Variants in NT5C2 observed in about 807,000 individuals in gnomAD.
NT5C2 encodes 5'-nucleotidase, cytosolic II.
Under a neutral mutation model 76.1 loss-of-function variants are expected in NT5C2, and 58 were observed. That is an observed-to-expected ratio of 0.76 (90% confidence interval 0.62 to 0.95). The LOEUF (loss-of-function observed/expected upper bound fraction) is 0.95. Ranked by LOEUF, NT5C2 falls within the 40% of genes least tolerant of loss-of-function variation. The pLI is 0.00. For missense variants in NT5C2, 478 were observed against 690.3 expected (o/e 0.69, Z 3.45); for synonymous variants, 229 against 237.4 (o/e 0.96, Z 0.32).
At chr10:103,188,336 C>T (rs747764346) in intron 1 of NT5C2, among the ~76,000 whole-genome samples, 1 of 151,468 alleles carries the variant, frequency 6.6e-6, no homozygotes, top group South Asian at 2.1e-4. Flanking sequence ...CCAGCCCAGG[C>T]GACAGTGCAA....
intron 4 of NT5C2, among the ~76,000 whole-genome samples, chr10:103,127,286 C>T (rs1208273552): frequency 6.6e-6 from 1 of 152,118 alleles, no homozygotes; most frequent in African/African-American, 2.4e-5. Flanking sequence ...TCAAGACAAC[C>T]AGGCAAAATT....
At chr10:103,115,203 C>G (rs1450488088) in intron 4 of NT5C2, among the ~76,000 whole-genome samples, 1 of 152,226 alleles carries the variant, frequency 6.6e-6, no homozygotes, top group Non-Finnish European at 1.5e-5. Flanking sequence ...GAGTTCCAGA[C>G]CTGCCTGGGC....
chr10:103,175,129 A>G (rs771275383), intron 2 of NT5C2, 147 bp from the exon 3 acceptor site: 1 of 508,100 alleles, frequency 2.0e-6, no homozygotes. Context: ...AAATATGCTG[A>G]AAATTATACT....
rs574549754 is a variant in NT5C2 at position 103,191,017 on chromosome 10, T to A, written c.-169+2219A>T. Among the ~76,000 whole-genome samples, 5 of 152,374 alleles carry A rather than the reference T, an allele frequency of 3.3e-5. 1 individual carries two copies. The highest frequency in any genetic ancestry group is 1.2e-4 in the African/African-American group (5 of 41,596). On this transcript the variant is annotated intron_variant, in intron 1 of 18. Coordinates refer to ENST00000404739, the MANE Select transcript of NT5C2 (RefSeq NM_001351169.2). ...TAAGTACTTTAAAAGAGCACAGTCATAACATGACAAAGTTGTGGGTTTTTG... is the reference window on the plus strand; with the variant it reads ...TAAGTACTTTAAAAGAGCACAGTCAAAACATGACAAAGTTGTGGGTTTTTG...
At chr10:103,192,875 G>A (rs12774207) in intron 1 of NT5C2, among the ~76,000 whole-genome samples, 16,233 of 152,182 alleles carry the variant, frequency 0.11, 1,107 homozygotes, top group Non-Finnish European at 0.15. Flanking sequence ...AAGGGGGGAA[G>A]AGGGCGGAAC....
chr10:103,125,355 C>G, intron 4 of NT5C2: 1 of 344,466 alleles, frequency 2.9e-6, no homozygotes, highest in Non-Finnish European at 5.4e-6. Flanking sequence ...CTGGCGTTTG[C>G]CTGTCTTTTC....
intron 1 of NT5C2, among the ~76,000 whole-genome samples, chr10:103,192,902 C>T (rs1022117020): frequency 6.6e-6 from 1 of 152,178 alleles, no homozygotes; most frequent in South Asian, 2.1e-4. Context: ...AACGGCCGCG[C>T]TGGGAGGCTG....
At chr10:103,153,629 A>G (rs1039810719) in intron 3 of NT5C2, 2 of 985,324 alleles carry the variant, frequency 2.0e-6, no homozygotes, top group African/African-American at 3.5e-5. Context: ...AGGAATCGTT[A>G]CTGGCAAACA....
chr10:103,157,294 T>G (rs1164829564), intron 3 of NT5C2, among the ~76,000 whole-genome samples: 2 of 152,080 alleles, frequency 1.3e-5, no homozygotes, highest in Non-Finnish European at 2.9e-5. Context: ...GCCTTTAGAC[T>G]TTGGCAGGGT....
rs191107956 is a variant in NT5C2 at position 103,145,239 on chromosome 10, G to C, written c.102-5760C>G. On this transcript the variant is annotated intron_variant, in intron 3 of 18. Transcript: ENST00000404739. ...TAAAGTATGCAGTGACTTCAGCACA[G>C]AGGCAGCCTTAAAGCATGAAATACC... 1.8e-3 allele frequency among the ~76,000 whole-genome samples: 273 copies of C among 152,286 alleles called. 1 individual carries two copies. The highest frequency in any genetic ancestry group is 5.2e-3 in the Admixed American group (79 of 15,300).
At chr10:103,179,110 G>A (rs576496950) in intron 2 of NT5C2, among the ~76,000 whole-genome samples, 30 of 151,506 alleles carry the variant, frequency 2.0e-4, no homozygotes, top group Non-Finnish European at 3.5e-4. Flanking sequence ...CACCTTGCCC[G>A]GCTAATTTTT....
intron 1 of NT5C2, 25 bp from the exon 2 acceptor site, chr10:103,181,353 TAA>T (rs2091047070): frequency 3.5e-5 from 4 of 113,570 alleles, no homozygotes; most frequent in Non-Finnish European, 8.0e-5. Flanking sequence ...AAAAAAATAA[TAA>T]TTCACAGGCA....
At chr10:103,106,065 T>C (rs919561559) in intron 5 of NT5C2, among the ~76,000 whole-genome samples, 2 of 152,228 alleles carry the variant, frequency 1.3e-5, no homozygotes, top group Non-Finnish European at 2.9e-5. Flanking sequence ...AAAAACATTC[T>C]TCTTACTACA....
At chr10:103,119,961 T>G (rs1025942641) in intron 4 of NT5C2, among the ~76,000 whole-genome samples, 15 of 151,966 alleles carry the variant, frequency 9.9e-5, no homozygotes, top group African/African-American at 3.6e-4. Flanking sequence ...TAGCCAGGCA[T>G]GATGGCACGA....
intron 3 of NT5C2, among the ~76,000 whole-genome samples, chr10:103,173,047 T>C (rs1238250685): frequency 6.6e-6 from 1 of 152,102 alleles, no homozygotes; most frequent in Admixed American, 6.6e-5. Context: ...TGGGGTCTCA[T>C]CATATTGCCC....
intron 3 of NT5C2, among the ~76,000 whole-genome samples, chr10:103,162,848 T>G (rs1347073043): frequency 6.6e-6 from 1 of 152,218 alleles, no homozygotes; most frequent in African/African-American, 2.4e-5. Flanking sequence ...ACACTGTTTA[T>G]GTATACATTT....
intron 3 of NT5C2, among the ~76,000 whole-genome samples, chr10:103,163,721 A>AC (rs1350853247): frequency 6.6e-6 from 1 of 151,702 alleles, no homozygotes; most frequent in Non-Finnish European, 1.5e-5. Context: ...AAAAAAAAAA[A>AC]AAACTCAAAT....
chr10:103,108,549 C>T (rs1052569087), intron 4 of NT5C2, among the ~76,000 whole-genome samples: 1 of 152,018 alleles, frequency 6.6e-6, no homozygotes. Flanking sequence ...CTAGTTGCCA[C>T]GTAGGAAAGG....
chr10:103,138,724 C>T (rs1164973406), intron 4 of NT5C2, among the ~76,000 whole-genome samples: 2 of 152,162 alleles, frequency 1.3e-5, no homozygotes, highest in African/African-American at 4.8e-5. Flanking sequence ...GAATAACATA[C>T]TGTCCGGGTG....
Sources: gnomAD v4.1 joint callset for allele counts (sites outside exome capture counted in the v4.1 genomes callset) on GRCh38, gnomAD v4.1.1 for gene constraint, MANE v1.5 for transcripts, NCBI Gene and HGNC (gene_info 2026-07-23, HGNC 2026-07-21) for gene names.